The following CDH18 variants were observed in gnomAD, a reference collection of about 807,000 sequenced individuals.
The protein encoded by CDH18 is cadherin 18.
Under a neutral mutation model 67.9 loss-of-function variants are expected in CDH18, and 31 were observed. That is an observed-to-expected ratio of 0.46 (90% CI 0.34 to 0.62). The LOEUF (loss-of-function observed/expected upper bound fraction) is 0.62, where lower values mean the gene tolerates loss of function less well. Among genes scored for constraint, CDH18 ranks in the 20% least tolerant of loss-of-function variants. CDH18 has a pLI of 0.01. For missense variants in CDH18, 890 were observed against 975.5 expected (o/e 0.91, Z 1.17); for synonymous variants, 362 against 347.2 (o/e 1.04, Z -0.48).
At chr5:20,095,299 AAAAG>A (rs201165191) in intron 2 of CDH18, among the ~76,000 whole-genome samples, 3,430 of 72,876 alleles carry the variant, frequency 0.047, 169 homozygotes, top group African/African-American at 0.064. Flanking sequence ...AACTTAAAGT[AAAAG>A]AAAGAAAGAA....
intron 1 of CDH18, among the ~76,000 whole-genome samples, chr5:20,298,211 G>C (rs1370971649): frequency 3.3e-5 from 5 of 152,072 alleles, no homozygotes; most frequent in Non-Finnish European, 5.9e-5. Flanking sequence ...AAATTTCCCA[G>C]TAAATTGCAT....
At chr5:20,081,802 G>A (rs1371492771) in intron 2 of CDH18, among the ~76,000 whole-genome samples, 2 of 152,228 alleles carry the variant, frequency 1.3e-5, no homozygotes. Context: ...CGAGGGTGGA[G>A]AGTGGGAGGA....
At chr5:20,293,866 A>G (rs1333815333) in intron 1 of CDH18, among the ~76,000 whole-genome samples, 1 of 152,210 alleles carries the variant, frequency 6.6e-6, no homozygotes, top group African/African-American at 2.4e-5. Context: ...AAACGAGTGT[A>G]AACAGGATAG....
chr5:20,326,682 G>T (rs1287501363), intron 1 of CDH18, among the ~76,000 whole-genome samples: 1 of 151,914 alleles, frequency 6.6e-6, no homozygotes, highest in Non-Finnish European at 1.5e-5. Context: ...GGCACTACAG[G>T]TGCCCGCCAC....
chr5:20,163,816 CAA>C (rs1346273357), intron 2 of CDH18, among the ~76,000 whole-genome samples: 1 of 152,136 alleles, frequency 6.6e-6, no homozygotes, highest in African/African-American at 2.4e-5. Flanking sequence ...ACCCATGAAA[CAA>C]AATCAAAATG....
chr5:19,874,317 T>C (rs1472150719), intron 2 of CDH18, among the ~76,000 whole-genome samples: 1 of 152,154 alleles, frequency 6.6e-6, no homozygotes, highest in Non-Finnish European at 1.5e-5. Context: ...TTACATCTGA[T>C]TCTAATCGCT....
chr5:19,645,309 A>T (rs1311856714), intron 5 of CDH18, among the ~76,000 whole-genome samples: 1 of 152,202 alleles, frequency 6.6e-6, no homozygotes, highest in Non-Finnish European at 1.5e-5. Context: ...CCATATGCTT[A>T]TGTAAAGAAA....
At chr5:20,239,519 G>C (rs1241518317) in intron 2 of CDH18, among the ~76,000 whole-genome samples, 1 of 152,096 alleles carries the variant, frequency 6.6e-6, no homozygotes, top group African/African-American at 2.4e-5. Flanking sequence ...TATATTACCA[G>C]ACACAGGTTA....
intron 1 of CDH18, chr5:20,305,304 G>A (rs1736322550): frequency 6.5e-7 from 1 of 1,547,722 alleles, no homozygotes. Flanking sequence ...TGTCAGATTC[G>A]AATCCAACAT....
intron 7 of CDH18, among the ~76,000 whole-genome samples, chr5:19,581,393 C>T (rs1430226497): frequency 6.6e-6 from 1 of 151,958 alleles, no homozygotes; most frequent in African/African-American, 2.4e-5. Context: ...GCCAGATTTA[C>T]ATATTCAGGA....
intron 1 of CDH18, among the ~76,000 whole-genome samples, chr5:20,391,862 T>A (rs937727726): frequency 6.6e-6 from 1 of 152,010 alleles, no homozygotes; most frequent in Admixed American, 6.6e-5. Flanking sequence ...GTATAATTTA[T>A]AATGATTATT....
intron 1 of CDH18, among the ~76,000 whole-genome samples, chr5:20,437,687 T>C (rs1749274400): frequency 6.6e-6 from 1 of 151,246 alleles, no homozygotes; most frequent in Non-Finnish European, 1.5e-5. Context: ...ATTCAGAGAG[T>C]TTGCATGTTT....
intron 10 of CDH18, among the ~76,000 whole-genome samples, chr5:19,503,713 C>G (rs1262020738): frequency 6.6e-6 from 1 of 151,974 alleles, no homozygotes; most frequent in Non-Finnish European, 1.5e-5. Flanking sequence ...CTCTAGTGCT[C>G]AGGAGAAAGC....
intron 2 of CDH18, among the ~76,000 whole-genome samples, chr5:20,135,071 G>C (rs1001845949): frequency 3.3e-5 from 5 of 152,102 alleles, no homozygotes; most frequent in African/African-American, 1.2e-4. Context: ...CCTGGAGAGA[G>C]AAACAGATCC....
chr5:19,910,391 G>A (rs910356690), intron 2 of CDH18, among the ~76,000 whole-genome samples: 3 of 152,060 alleles, frequency 2.0e-5, no homozygotes, highest in Non-Finnish European at 4.4e-5. Flanking sequence ...AGGGATCTAC[G>A]CTCCATTAAG....
intron 1 of CDH18, among the ~76,000 whole-genome samples, chr5:20,516,278 C>T (rs1755359591): frequency 6.6e-6 from 1 of 151,796 alleles, no homozygotes; most frequent in African/African-American, 2.4e-5. Flanking sequence ...CTTTTATGAC[C>T]TTCTAAGCGC....
chr5:19,480,344 A>C (rs1739192043), intron 12 of CDH18, among the ~76,000 whole-genome samples: 1 of 146,358 alleles, frequency 6.8e-6, no homozygotes, highest in Admixed American at 7.0e-5. Context: ...TAAATATATA[A>C]AGTTTATTTT....
chr5:19,496,334 T>C (rs1018540988), intron 11 of CDH18, among the ~76,000 whole-genome samples: 1 of 152,154 alleles, frequency 6.6e-6, no homozygotes, highest in Non-Finnish European at 1.5e-5. Flanking sequence ...TGGTGAATAC[T>C]CTCTTGGGAA....
intron 8 of CDH18, among the ~76,000 whole-genome samples, chr5:19,546,261 C>T (rs1350238772): frequency 6.6e-6 from 1 of 152,098 alleles, no homozygotes; most frequent in Non-Finnish European, 1.5e-5. Context: ...ATACAAAGAC[C>T]ATGAGTTAAG....
Sources: gnomAD v4.1 joint callset for allele counts (sites outside exome capture counted in the v4.1 genomes callset) on GRCh38, gnomAD v4.1.1 for gene constraint, MANE v1.5 for transcripts, NCBI Gene and HGNC (gene_info 2026-07-23, HGNC 2026-07-21) for gene names.